The following CD36 variants were observed in gnomAD, a reference collection of about 807,000 sequenced individuals.
CD36 encodes the protein platelet glycoprotein 4.
A neutral mutation model predicts 55.2 loss-of-function variants in CD36; 119 were observed. That is an observed-to-expected ratio of 2.15 (90% CI 1.86 to 2.51). The LOEUF is 2.51. CD36 is among the 30% of genes most tolerant of loss of function. The probability of loss-of-function intolerance (pLI) is 0.00; values close to 1 mark genes in which losing one functional copy is unlikely to be tolerated. For synonymous variants in CD36, 186 were observed against 193.6 expected, an observed-to-expected ratio of 0.96 and a Z score of 0.33; for missense variants, 819 against 555.5, an observed-to-expected ratio of 1.47 and a Z score of -4.77.
chr7:80,619,399 T>C (rs1793333042), intron 1 of CD36, among the ~76,000 whole-genome samples: 1 of 152,054 alleles, frequency 6.6e-6, no homozygotes, highest in Non-Finnish European at 1.5e-5. Context: ...TCAAGACTTA[T>C]TACTTAAGAA....
At position 80,656,757 on chromosome 7, in the gene CD36, A is replaced by T; in HGVS notation, c.281+57A>T. On this transcript the variant is annotated intron_variant, in intron 4 of 14. Coordinates refer to ENST00000447544, the MANE Select transcript of CD36 (RefSeq NM_001001548.3). ...TTACCTTGACCATGTATTTCTGAGA[A>T]GTCTTCTACTTGGCAAATGTCATTG... 2.0e-6 allele frequency: 3 copies of T among 1,475,672 alleles called. No individual in the cohort carries two copies. The South Asian group carries it at 3.4e-5, about 17-fold the overall frequency. 91.4% of individuals were successfully genotyped at this position (1,475,672 alleles called of 1,614,324 possible).
chr7:80,669,564 G>A (rs1283402552), intron 8 of CD36, among the ~76,000 whole-genome samples: 1 of 151,824 alleles, frequency 6.6e-6, no homozygotes, highest in Admixed American at 6.6e-5. Context: ...GGGATTACGA[G>A]CGCCTATCTC....
intron 1 of CD36, among the ~76,000 whole-genome samples, chr7:80,643,564 G>T (rs1794953321): frequency 6.6e-6 from 1 of 152,102 alleles, no homozygotes; most frequent in South Asian, 2.1e-4. Flanking sequence ...TTCTCCTAGA[G>T]CTTCCTAACA....
At chr7:80,610,739 T>C (rs1792833885) in intron 1 of CD36, among the ~76,000 whole-genome samples, 1 of 152,052 alleles carries the variant, frequency 6.6e-6, no homozygotes, top group African/African-American at 2.4e-5. Flanking sequence ...CACGCCTGGC[T>C]AATTTTTTGG....
At chr7:80,672,141 T>C (rs1172143861) in intron 11 of CD36, 101 bp downstream of exon 11, 1 of 980,376 alleles carries the variant, frequency 1.0e-6, no homozygotes, top group Admixed American at 2.0e-5. Flanking sequence ...TAAATAATCA[T>C]ATTTATTGAA....
chr7:80,646,888 C>A (rs749741746), intron 3 of CD36, 28 bp downstream of exon 3: 1 of 1,612,718 alleles, frequency 6.2e-7, no homozygotes, highest in African/African-American at 1.3e-5. Context: ...AATATGCCTT[C>A]TCATTTTGAT....
intron 8 of CD36, 49 bp from the exon 9 acceptor site, chr7:80,669,904 T>C: frequency 1.5e-6 from 2 of 1,308,130 alleles, no homozygotes; most frequent in Non-Finnish European, 2.2e-6. Context: ...TAGGTTTTTT[T>C]CTAGAACACA....
At position 80,658,942 on chromosome 7, in the gene CD36, A is replaced by T. The variant is rs141242275; in HGVS notation, c.282-2121A>T. Among the ~76,000 whole-genome samples the T allele has an allele frequency of 1.6e-4, 25 of 152,278 alleles. 1 individual carries two copies. In the East Asian group the frequency reaches 4.8e-3, roughly 29 times the overall value. ...AAGGGACAAAAAGGGGATGTGTTAG[A>T]TATATTTGGTTTGCTTAGAGAGGCA... On this transcript the variant is annotated intron_variant, in intron 4 of 14. Coordinates refer to ENST00000447544, the MANE Select transcript of CD36 (RefSeq NM_001001548.3).
intron 1 of CD36, among the ~76,000 whole-genome samples, chr7:80,608,250 T>C (rs1293606561): frequency 6.6e-6 from 1 of 152,200 alleles, no homozygotes; most frequent in Non-Finnish European, 1.5e-5. Context: ...TTATTATCTA[T>C]GTGGTACCTG....
chr7:80,604,390 T>TTTTTTAGC lies in CD36; in HGVS notation c.-184+2011_-184+2012insTTTTTAGC, dbSNP rs144014175. On this transcript the variant is annotated intron_variant, in intron 1 of 13. Coordinates refer to the CD36 transcript ENST00000309881. ...TTTTTTTTTTTTTTTTTTTTTTTTT[T>TTTTTTAGC]AGCAAAGTATGCCATTGGTTCCACA... Among the ~76,000 whole-genome samples the TTTTTTAGC allele has an allele frequency of 1.3e-4, 14 of 109,640 alleles. 1 individual carries two copies. The East Asian group carries it at 2.3e-3, about 18-fold the overall frequency. 71.9% of individuals were successfully genotyped at this position (109,640 alleles called of 152,430 possible).
rs1798017567 is a variant in CD36, at chr7:80,674,084, TGTG to T, written c.1360_1362del (p.Val454del). On this transcript the variant is annotated inframe_deletion, in exon 14 of 15. Transcript: ENST00000447544. ...TAGAAATGATCTTACTCAGTGTTGG[TGTG>T]GTGATGTTTGTTGCTTTTATGATTT... 1 of 1,612,418 alleles carries T rather than the reference TGTG, an allele frequency of 6.2e-7. No homozygotes were observed. The highest frequency in any genetic ancestry group is 8.5e-7 in the Non-Finnish European group (1 of 1,178,912).
chr7:80,633,030 A>G (rs957952259), intron 1 of CD36, among the ~76,000 whole-genome samples: 2 of 151,854 alleles, frequency 1.3e-5, no homozygotes, highest in African/African-American at 4.8e-5. Flanking sequence ...ATTTCATCAC[A>G]CCATGCTTTG....
chr7:80,619,960 C>T (rs774047766), intron 1 of CD36, among the ~76,000 whole-genome samples: 10 of 151,770 alleles, frequency 6.6e-5, no homozygotes, highest in Non-Finnish European at 1.2e-4. Flanking sequence ...GGTGCAATCT[C>T]ATGATGAAAC....
intron 8 of CD36, among the ~76,000 whole-genome samples, chr7:80,668,027 T>C (rs1281467153): frequency 6.6e-6 from 1 of 151,974 alleles, no homozygotes; most frequent in Non-Finnish European, 1.5e-5. Context: ...GATTACAGGC[T>C]TGAGCCACCA....
At chr7:80,651,934 T>G (rs2116497508) in intron 3 of CD36, among the ~76,000 whole-genome samples, 1 of 152,272 alleles carries the variant, frequency 6.6e-6, no homozygotes, top group South Asian at 2.1e-4. Context: ...ATGTTTGAAT[T>G]AATAGTCCAT....
chr7:80,664,180 ACAT>A (rs1277439611), intron 6 of CD36, among the ~76,000 whole-genome samples: 2 of 152,158 alleles, frequency 1.3e-5, no homozygotes, highest in African/African-American at 4.8e-5. Flanking sequence ...GCTAGAGTTC[ACAT>A]CATGTCAGCT....
At chr7:80,643,456 A>C (rs1295359984) in intron 1 of CD36, among the ~76,000 whole-genome samples, 1 of 152,200 alleles carries the variant, frequency 6.6e-6, no homozygotes, top group Non-Finnish European at 1.5e-5. Context: ...TGTTTTAAAT[A>C]GATTTTCATA....
intron 3 of CD36, among the ~76,000 whole-genome samples, chr7:80,656,266 C>T (rs927168896): frequency 5.3e-5 from 8 of 152,048 alleles, no homozygotes; most frequent in African/African-American, 1.7e-4. Context: ...TAAAGCTTGC[C>T]GAAGGGTCAC....
rs113736040 is a variant in CD36 at position 80,670,235 on chromosome 7, C to G, written c.818+213C>G. The G allele has an allele frequency of 1.8e-3, 991 of 558,116 alleles. 2 individuals are homozygous for G. Among genetic ancestry groups the G allele is most frequent in the Middle Eastern group, 9.8e-3 (20 of 2,036 alleles). The allele number at this position is 558,116 out of a possible 1,614,324, so 34.6% of individuals were successfully genotyped here. A position where few individuals can be genotyped will look rare whatever the true frequency, so the allele number is the denominator to read the frequency against. Reference sequence around the variant, plus strand: ...CAAGAACCATTTTGCCTTTTAAAAACTAAACTAGTAGTCTATTAACGATCA... The same window carrying G: ...CAAGAACCATTTTGCCTTTTAAAAAGTAAACTAGTAGTCTATTAACGATCA... On this transcript the variant is annotated intron_variant, in intron 9 of 14. Coordinates refer to ENST00000447544, the MANE Select transcript of CD36 (RefSeq NM_001001548.3).
Sources: gnomAD v4.1 joint callset for allele counts (sites outside exome capture counted in the v4.1 genomes callset) on GRCh38, gnomAD v4.1.1 for gene constraint, MANE v1.5 for transcripts, NCBI Gene and HGNC (gene_info 2026-07-23, HGNC 2026-07-21) for gene names.